Variants in KCNMB2 observed in about 807,000 individuals in gnomAD.
The protein encoded by KCNMB2 is calcium-activated potassium channel subunit beta-2.
Under a neutral mutation model 24.5 loss-of-function variants are expected in KCNMB2, and 9 were observed. The observed-to-expected ratio is 0.37, with a 90% confidence interval of 0.22 to 0.64. The LOEUF is 0.64. KCNMB2 is among the 30% of genes least tolerant of loss of function. KCNMB2 has a pLI of 0.63. For synonymous variants in KCNMB2, 109 were observed against 104.4 expected (o/e 1.04, Z -0.27); for missense variants, 226 against 284.3 (o/e 0.79, Z 1.47).
intron 1 of KCNMB2, among the ~76,000 whole-genome samples, chr3:178,688,306 T>C (rs979176332): frequency 1.3e-5 from 2 of 152,170 alleles, no homozygotes; most frequent in East Asian, 3.8e-4. Flanking sequence ...AATTTTAAAA[T>C]CAAGTTTATG....
At chr3:178,815,194 A>T (rs1714358381) in intron 2 of KCNMB2, among the ~76,000 whole-genome samples, 1 of 152,136 alleles carries the variant, frequency 6.6e-6, no homozygotes, top group Non-Finnish European at 1.5e-5. Flanking sequence ...GCTGGAGTAC[A>T]GTAGCACAAT....
intron 1 of KCNMB2, among the ~76,000 whole-genome samples, chr3:178,795,833 G>A (rs1560025035): frequency 6.6e-6 from 1 of 152,124 alleles, no homozygotes; most frequent in South Asian, 2.1e-4. Flanking sequence ...AATAAAAATA[G>A]ATTATGTGTG....
At chr3:178,590,043 TTACTGGCC>T (rs1717602778) in intron 1 of KCNMB2, among the ~76,000 whole-genome samples, 1 of 152,186 alleles carries the variant, frequency 6.6e-6, no homozygotes, top group South Asian at 2.1e-4. Context: ...ACACTTAAAA[TTACTGGCC>T]CAGAAGTATG....
intron 1 of KCNMB2, among the ~76,000 whole-genome samples, chr3:178,623,588 G>C (rs901863867): frequency 2.6e-5 from 4 of 152,140 alleles, no homozygotes; most frequent in Non-Finnish European, 5.9e-5. Context: ...GTTCACTGCA[G>C]TTTAAATAAT....
chr3:178,760,109 T>G (rs181796437), intron 1 of KCNMB2, among the ~76,000 whole-genome samples: 998 of 24,544 alleles, frequency 0.041, 186 homozygotes, highest in Middle Eastern at 0.062. Flanking sequence ...TATATATATA[T>G]CCAAGAGGAT....
At chr3:178,673,110 C>G (rs747997996) in intron 1 of KCNMB2, among the ~76,000 whole-genome samples, 16 of 152,136 alleles carry the variant, frequency 1.1e-4, no homozygotes, top group Non-Finnish European at 2.2e-4. Flanking sequence ...ATTTGTATCC[C>G]TCCCTTGCAT....
chr3:178,538,225 T>C (rs1479101585), intron 1 of KCNMB2, among the ~76,000 whole-genome samples: 2 of 152,236 alleles, frequency 1.3e-5, no homozygotes, highest in East Asian at 3.8e-4. Context: ...CTCTCTTGGC[T>C]GGTCTTTACG....
chr3:178,611,320 T>G (rs754520120), intron 1 of KCNMB2, among the ~76,000 whole-genome samples: 1 of 152,306 alleles, frequency 6.6e-6, no homozygotes, highest in African/African-American at 2.4e-5. Flanking sequence ...TAATACCTTC[T>G]TTTGTATTTC....
At chr3:178,801,168 A>G (rs1197835443) in intron 1 of KCNMB2, among the ~76,000 whole-genome samples, 3 of 152,176 alleles carry the variant, frequency 2.0e-5, no homozygotes, top group African/African-American at 7.2e-5. Flanking sequence ...TTTTAAAATA[A>G]CTAAAAGAGT....
At chr3:178,681,415 A>C (rs1721268633) in intron 1 of KCNMB2, among the ~76,000 whole-genome samples, 1 of 152,222 alleles carries the variant, frequency 6.6e-6, no homozygotes, top group Non-Finnish European at 1.5e-5. Context: ...ATGGCCCCCC[A>C]AAAAACAATG....
At chr3:178,586,029 A>G (rs747722703) in intron 1 of KCNMB2, among the ~76,000 whole-genome samples, 1 of 152,198 alleles carries the variant, frequency 6.6e-6, no homozygotes, top group Non-Finnish European at 1.5e-5. Context: ...TAGAAAACTT[A>G]GTAAGATTGT....
At chr3:178,614,275 A>ATG (rs1411965854) in intron 1 of KCNMB2, among the ~76,000 whole-genome samples, 10 of 66,812 alleles carry the variant, frequency 1.5e-4, no homozygotes, top group African/African-American at 3.3e-4. Context: ...ATATATATAT[A>ATG]TATATATATA....
intron 1 of KCNMB2, among the ~76,000 whole-genome samples, chr3:178,540,646 C>A (rs1286206947): frequency 2.0e-5 from 3 of 152,238 alleles, no homozygotes; most frequent in Non-Finnish European, 4.4e-5. Context: ...GCTCTGCCTG[C>A]TGCCTAAAGA....
chr3:178,745,405 C>T (rs183755652), intron 1 of KCNMB2, among the ~76,000 whole-genome samples: 4 of 152,198 alleles, frequency 2.6e-5, no homozygotes, highest in African/African-American at 7.2e-5. Flanking sequence ...GGGAAAGACC[C>T]GCCCCCATGA....
intron 1 of KCNMB2, among the ~76,000 whole-genome samples, chr3:178,666,779 A>C (rs1226817767): frequency 6.6e-6 from 1 of 152,040 alleles, no homozygotes. Context: ...CCCAATTACC[A>C]CCCTGTTAAC....
intron 2 of KCNMB2, among the ~76,000 whole-genome samples, chr3:178,811,820 G>A (rs907918047): frequency 2.0e-5 from 3 of 152,172 alleles, no homozygotes; most frequent in African/African-American, 7.2e-5. Context: ...GATTCCCATT[G>A]CTCAACAGCC....
chr3:178,614,061 C>T (rs929479356), intron 1 of KCNMB2, among the ~76,000 whole-genome samples: 1 of 149,894 alleles, frequency 6.7e-6, no homozygotes, highest in African/African-American at 2.5e-5. Context: ...CGAATTCTTT[C>T]TTCTGCTTGA....
At chr3:178,663,189 A>C (rs2108572863) in intron 1 of KCNMB2, among the ~76,000 whole-genome samples, 1 of 152,194 alleles carries the variant, frequency 6.6e-6, no homozygotes, top group South Asian at 2.1e-4. Flanking sequence ...AGAAAGGGCA[A>C]GCCTCAGTGA....
intron 1 of KCNMB2, among the ~76,000 whole-genome samples, chr3:178,677,213 G>A (rs750273079): frequency 6.6e-6 from 1 of 152,156 alleles, no homozygotes; most frequent in African/African-American, 2.4e-5. Context: ...AACTCCCCAC[G>A]CTGACCTCAG....
Sources: gnomAD v4.1 joint callset for allele counts (sites outside exome capture counted in the v4.1 genomes callset) on GRCh38, gnomAD v4.1.1 for gene constraint, MANE v1.5 for transcripts, NCBI Gene and HGNC (gene_info 2026-07-23, HGNC 2026-07-21) for gene names.